CKAP2: variants seen among roughly 807,000 people sequenced by gnomAD.
CKAP2 encodes cytoskeleton-associated protein 2.
Under a neutral mutation model 58.4 loss-of-function variants are expected in CKAP2, and 46 were observed. That is an observed-to-expected ratio of 0.79 (90% CI 0.62 to 1.01). The LOEUF (loss-of-function observed/expected upper bound fraction) is 1.01. CKAP2 is among the 50% of genes least tolerant of loss of function. CKAP2 has a pLI of 0.00. For synonymous variants in CKAP2, 293 were observed against 280.9 expected (o/e 1.04, Z -0.43); for missense variants, 809 against 796.4 (o/e 1.02, Z -0.19).
rs779049882 is a variant in CKAP2, at chr13:52,461,701, C to T, written c.875C>T (p.Ser292Leu). Residue 292 changes from serine (S) to leucine (L), a missense_variant, in exon 4 of 9, where the codon TCA becomes TTA. Physicochemically the swap from Ser to Leu is moderately radical, Grantham distance 145. This residue lies in a region of CKAP2 where 523 missense variants were observed against 492.4 expected (regional missense o/e 1.06). Coordinates refer to ENST00000258607, the MANE Select transcript of CKAP2 (RefSeq NM_018204.5). ...KGPHEKELLQ[S>L]KTALSSVKTS... ...CCTCATGAAAAAGAACTATTACAAT[C>T]AAAAACAGCTTTATCTAGTGTCAAA... 2.5e-6 allele frequency: 4 copies of T among 1,613,586 alleles called. No homozygotes were observed. In the South Asian group the frequency reaches 3.3e-5, roughly 13 times the overall value.
At position 52,462,419 on chromosome 13, in the gene CKAP2, A is replaced by T. The variant is rs945808981; in HGVS notation, c.1157A>T (p.Asn386Ile). The change falls in exon 5 of 9, where the codon AAT becomes ATT. Residue 386 changes from asparagine (N) to isoleucine (I), a missense_variant. Transcript: ENST00000258607. ...GGAAGAGTGCTAAAAAGGCCCCCTA[A>T]TTCAGTAGTTACTCAGCATGAGCCT... ...GKGRVLKRPP[N>I]SVVTQHEPAG... 2 of 1,614,012 alleles carry T rather than the reference A, an allele frequency of 1.2e-6. No individual in the cohort carries two copies. The highest frequency in any genetic ancestry group is 2.7e-5 in the African/African-American group (2 of 74,924).
At chr13:52,467,705 CAAAAAAA>C (rs1958700745) in intron 6 of CKAP2, among the ~76,000 whole-genome samples, 1 of 148,120 alleles carries the variant, frequency 6.8e-6, no homozygotes, top group South Asian at 2.1e-4. Context: ...GAGACTGTCT[CAAAAAAA>C]GAAAAAAGAA....
At chr13:52,462,001 T>C in intron 4 of CKAP2, 75 bp downstream of exon 4, 4 of 1,318,250 alleles carry the variant, frequency 3.0e-6, no homozygotes, top group Non-Finnish European at 4.1e-6. Flanking sequence ...TATAATTTCC[T>C]TGACTGCATT....
At chr13:52,474,613 A>G (rs1245488899) in intron 8 of CKAP2, among the ~76,000 whole-genome samples, 1 of 152,200 alleles carries the variant, frequency 6.6e-6, no homozygotes, top group Non-Finnish European at 1.5e-5. Flanking sequence ...TTTTATTTGA[A>G]TTTACTTTAA....
chr13:52,470,752 A>G (rs1164517876), intron 7 of CKAP2, among the ~76,000 whole-genome samples: 2 of 152,320 alleles, frequency 1.3e-5, no homozygotes, highest in African/African-American at 2.4e-5. Flanking sequence ...GAACATCTAT[A>G]TGATCTGATC....
At chr13:52,467,922 G>A (rs1009695481) in intron 6 of CKAP2, among the ~76,000 whole-genome samples, 1 of 151,382 alleles carries the variant, frequency 6.6e-6, no homozygotes, top group South Asian at 2.1e-4. Flanking sequence ...CCATTCTCCT[G>A]CCTCAGCCTC....
At chr13:52,457,215 A>G (rs1958501709) in intron 2 of CKAP2, among the ~76,000 whole-genome samples, 1 of 152,156 alleles carries the variant, frequency 6.6e-6, no homozygotes, top group African/African-American at 2.4e-5. Flanking sequence ...TTTTCTACGT[A>G]AATTAATTCA....
At chr13:52,455,675 GGCGCGGGCC>G (rs1307249108) in intron 1 of CKAP2, 49 bp downstream of exon 1, 1 of 1,475,196 alleles carries the variant, frequency 6.8e-7, no homozygotes, top group Non-Finnish European at 9.0e-7. Context: ...GGCGGTGGCG[GGCGCGGGCC>G]CGGCGGTCGG....
chr13:52,456,893 T>C (rs1169158110), intron 2 of CKAP2, among the ~76,000 whole-genome samples: 1 of 151,814 alleles, frequency 6.6e-6, no homozygotes, highest in Non-Finnish European at 1.5e-5. Context: ...ATCATCGTTT[T>C]ATTAATTTTT....
chr13:52,461,208 C>T lies in CKAP2; in HGVS notation c.382C>T (p.His128Tyr), dbSNP rs1958569185. The change falls in exon 4 of 9, where the codon CAT (histidine) becomes TAT (tyrosine). Residue 128 changes from histidine to tyrosine, a missense_variant. His to Tyr is a moderately conservative substitution (Grantham distance 83). This residue lies in a region of CKAP2 where 523 missense variants were observed against 492.4 expected (regional missense o/e 1.06). Coordinates refer to ENST00000258607, the MANE Select transcript of CKAP2 (RefSeq NM_018204.5). ...HKPKDSNQTP[H>Y]LLLTEDDPQS... is the part of the protein sequence containing the mutation. ...ACCTAAGGATAGTAATCAAACTCCGCATTTGTTACTAACTGAAGATGATCC... is the reference window on the plus strand; with the variant it reads ...ACCTAAGGATAGTAATCAAACTCCGTATTTGTTACTAACTGAAGATGATCC... 1.2e-6 allele frequency: 2 copies of T among 1,613,952 alleles called. No homozygotes were observed. The highest frequency in any genetic ancestry group is 1.3e-5 in the African/African-American group (1 of 75,030).
intron 7 of CKAP2, 128 bp from the exon 8 acceptor site, chr13:52,473,701 A>G: frequency 1.4e-6 from 1 of 734,964 alleles, no homozygotes; most frequent in Non-Finnish European, 2.2e-6. Context: ...AGGAAAAGGA[A>G]TGGTTCAGAG....
intron 6 of CKAP2, chr13:52,465,806 A>G: frequency 4.6e-6 from 2 of 432,016 alleles, no homozygotes; most frequent in Middle Eastern, 4.1e-4. Flanking sequence ...TTTATTGAAT[A>G]TAAAGCAAAA....
chr13:52,471,983 C>T (rs1594144190), intron 7 of CKAP2, among the ~76,000 whole-genome samples: 1 of 152,144 alleles, frequency 6.6e-6, no homozygotes, highest in East Asian at 1.9e-4. Context: ...CCCCTACATC[C>T]CTGAATTTCT....
At chr13:52,473,474 T>C (rs985103152) in intron 7 of CKAP2, 3 of 186,906 alleles carry the variant, frequency 1.6e-5, no homozygotes, top group African/African-American at 7.1e-5. Flanking sequence ...TTATGTGCCA[T>C]ATGAAGGTTG....
Position 52,475,288 on chromosome 13 carries a change from T to G in CKAP2, c.*147T>G. 5 of 959,400 alleles carry G rather than the reference T, an allele frequency of 5.2e-6. No homozygotes were observed. Among genetic ancestry groups the G allele is most frequent in the Non-Finnish European group, 4.6e-6 (3 of 657,818 alleles). The allele number at this position is 959,400 out of a possible 1,614,324, so 59.4% of individuals were successfully genotyped here. A position where few individuals can be genotyped will look rare whatever the true frequency, so the allele number is the denominator to read the frequency against. Reference sequence around the variant, plus strand: ...CGGCAGTGAGCTCCTTTACTAACATTCATGTTATGGCAAGAGTTGTCCTCT... The same window carrying G: ...CGGCAGTGAGCTCCTTTACTAACATGCATGTTATGGCAAGAGTTGTCCTCT... On this transcript the variant is annotated 3_prime_UTR_variant, in exon 9 of 9. Transcript: ENST00000258607.
intron 5 of CKAP2, among the ~76,000 whole-genome samples, chr13:52,464,272 G>C (rs1219803572): frequency 6.6e-6 from 1 of 152,186 alleles, no homozygotes; most frequent in East Asian, 1.9e-4. Context: ...CATTCATCTG[G>C]TCAGGTGGGG....
At chr13:52,456,186 T>G (rs1425783486) in intron 1 of CKAP2, 1 of 1,061,160 alleles carries the variant, frequency 9.4e-7, no homozygotes, top group East Asian at 7.1e-5. Flanking sequence ...TCTGGTAAAT[T>G]AGAACTTTCG....
intron 2 of CKAP2, 26 bp downstream of exon 2, chr13:52,456,633 C>T (rs751190322): frequency 1.4e-5 from 21 of 1,537,660 alleles, no homozygotes; most frequent in Middle Eastern, 3.4e-4. Flanking sequence ...TTTCTTTTCA[C>T]TTCTGTAAAA....
chr13:52,467,198 T>A (rs1339086805), intron 6 of CKAP2, among the ~76,000 whole-genome samples: 1 of 152,032 alleles, frequency 6.6e-6, no homozygotes, highest in Non-Finnish European at 1.5e-5. Flanking sequence ...AATTACACCT[T>A]CCCTAATCTT....
Sources: allele counts gnomAD v4.1 joint callset (sites outside exome capture counted in the v4.1 genomes callset), GRCh38; gene constraint gnomAD v4.1.1; regional missense constraint gnomAD v4.1.1; transcripts MANE v1.5; gene names NCBI Gene and HGNC (gene_info 2026-07-23, HGNC 2026-07-21).